The following STK39 variants were observed in gnomAD, a reference collection of about 807,000 sequenced individuals.
The protein encoded by STK39 is serine/threonine kinase 39.
In STK39, 20 loss-of-function variants were observed where a neutral mutation model predicts 77.8. The observed-to-expected ratio is 0.26, with a 90% CI of 0.18 to 0.37. The LOEUF (loss-of-function observed/expected upper bound fraction) is 0.37, where lower values mean the gene tolerates loss of function less well. STK39 is among the 10% of genes least tolerant of loss of function. The probability of loss-of-function intolerance (pLI) is 1.00; values close to 1 mark genes in which losing one functional copy is unlikely to be tolerated. For synonymous variants in STK39, 246 were observed against 234.1 expected (o/e 1.05, Z -0.47); for missense variants, 479 against 656.5 (o/e 0.73, Z 2.95).
chr2:168,075,218 G>T lies in STK39; in HGVS notation c.1103C>A (p.Pro368His). ...AQRAKKVRRVPGSSGHLHKTE... is the reference protein window; with the variant it reads ...AQRAKKVRRVHGSSGHLHKTE... ...TTTATGAAGGTGACCACTTGACCCA[G>T]GAACTCTTCTTACCTGAATCAAAAC... The change falls in exon 11 of 18, where the codon CCT becomes CAT. Residue 368 changes from proline to histidine, a missense_variant. By Grantham distance (77) the Pro-to-His change is moderately conservative. Around this residue, in one of 3 missense-constraint regions of STK39, gnomAD observed 244 missense variants for 296.8 expected, o/e 0.82. Coordinates refer to ENST00000355999, the MANE Select transcript of STK39 (RefSeq NM_013233.3). 6.2e-7 allele frequency: 1 copy of T among 1,613,906 alleles called. No individual in the cohort carries two copies. The highest frequency in any genetic ancestry group is 8.5e-7 in the Non-Finnish European group (1 of 1,180,016).
At chr2:168,122,100 T>C (rs772662784) in intron 10 of STK39, among the ~76,000 whole-genome samples, 3 of 152,180 alleles carry the variant, frequency 2.0e-5, no homozygotes, top group Admixed American at 6.5e-5. Context: ...TTACGTGTTG[T>C]GGCGGTTTGG....
intron 1 of STK39, among the ~76,000 whole-genome samples, chr2:168,245,378 T>C (rs934532083): frequency 2.6e-5 from 4 of 152,322 alleles, no homozygotes; most frequent in Non-Finnish European, 5.9e-5. Flanking sequence ...TTTGTTAATT[T>C]CTATATTGCT....
chr2:168,212,231 A>ACAGAT (rs997712273), intron 1 of STK39, among the ~76,000 whole-genome samples: 7 of 152,234 alleles, frequency 4.6e-5, no homozygotes, highest in African/African-American at 1.7e-4. Flanking sequence ...TGCTTAACAA[A>ACAGAT]CAGACCAGAC....
intron 10 of STK39, among the ~76,000 whole-genome samples, chr2:168,109,923 T>C (rs1687077189): frequency 6.6e-6 from 1 of 152,264 alleles, no homozygotes; most frequent in Non-Finnish European, 1.5e-5. Flanking sequence ...AGAAGTTCTT[T>C]ATTTCAGATG....
chr2:168,113,279 G>T (rs944893218), intron 10 of STK39, among the ~76,000 whole-genome samples: 2 of 152,156 alleles, frequency 1.3e-5, no homozygotes, highest in Non-Finnish European at 2.9e-5. Context: ...TGCTAGTAAA[G>T]TCAGAGCTCT....
chr2:168,085,440 T>C (rs1295029667), intron 10 of STK39, among the ~76,000 whole-genome samples: 1 of 152,198 alleles, frequency 6.6e-6, no homozygotes, highest in Non-Finnish European at 1.5e-5. Flanking sequence ...ATCCTGAGTG[T>C]ATGTCCAGCA....
chr2:168,051,791 C>T (rs1350605731), intron 14 of STK39, among the ~76,000 whole-genome samples: 1 of 152,032 alleles, frequency 6.6e-6, no homozygotes, highest in Non-Finnish European at 1.5e-5. Flanking sequence ...TGGCATTTGA[C>T]TCCTGGGGCT....
intron 17 of STK39, 102 bp downstream of exon 17, chr2:167,964,560 C>G (rs1321824647): frequency 8.9e-7 from 1 of 1,121,354 alleles, no homozygotes; most frequent in East Asian, 2.4e-5. Context: ...AAGAAAACAA[C>G]AACAGCAAAA....
At chr2:168,107,107 T>C (rs1686994811) in intron 10 of STK39, among the ~76,000 whole-genome samples, 1 of 152,248 alleles carries the variant, frequency 6.6e-6, no homozygotes, top group African/African-American at 2.4e-5. Context: ...ATGGCACTGC[T>C]TACAAAATAC....
At chr2:168,103,610 A>T (rs1285347392) in intron 10 of STK39, among the ~76,000 whole-genome samples, 2 of 152,236 alleles carry the variant, frequency 1.3e-5, no homozygotes, top group African/African-American at 4.8e-5. Flanking sequence ...TTCTTTGCAC[A>T]TTCATGAATA....
At chr2:168,034,172 G>A (rs951883880) in intron 14 of STK39, among the ~76,000 whole-genome samples, 11 of 152,154 alleles carry the variant, frequency 7.2e-5, no homozygotes, top group African/African-American at 1.4e-4. Flanking sequence ...GTCCTCAAGC[G>A]GCCCAGCATT....
Position 168,216,437 on chromosome 2 carries a change from C to T in STK39, c.208+30791G>A, listed in dbSNP as rs372320498. Among the ~76,000 whole-genome samples, 15 of 152,302 alleles carry T rather than the reference C, an allele frequency of 9.8e-5. No individual in the cohort carries two copies. The East Asian group carries it at 1.5e-3, about 16-fold the overall frequency. On this transcript the variant is annotated intron_variant, in intron 1 of 17. Coordinates refer to ENST00000355999, the MANE Select transcript of STK39 (RefSeq NM_013233.3). ...AGTAGCAAAATATTTTCCTAATTTA[C>T]GACTTAGCAGCCTAATTTATTTTGA...
At chr2:168,239,654 G>A (rs1255881562) in intron 1 of STK39, among the ~76,000 whole-genome samples, 1 of 152,226 alleles carries the variant, frequency 6.6e-6, no homozygotes, top group African/African-American at 2.4e-5. Context: ...CACAAGGTGA[G>A]GAAGGAGTAT....
chr2:168,122,671 T>C (rs904882781), intron 10 of STK39, among the ~76,000 whole-genome samples: 8 of 152,100 alleles, frequency 5.3e-5, no homozygotes, highest in East Asian at 1.9e-4. Flanking sequence ...TCCTGGGTTC[T>C]AGCAATCCTC....
chr2:167,973,145 A>G (rs1692396873), intron 16 of STK39, among the ~76,000 whole-genome samples: 2 of 152,216 alleles, frequency 1.3e-5, no homozygotes, highest in African/African-American at 2.4e-5. Context: ...GTGCTTAAAT[A>G]TTTTGTCAGA....
intron 10 of STK39, among the ~76,000 whole-genome samples, chr2:168,091,604 C>T (rs72889609): frequency 0.094 from 14,321 of 152,246 alleles, 908 homozygotes; most frequent in East Asian, 0.22. Flanking sequence ...ACAGGTGTGA[C>T]ACGCTGACGT....
intron 2 of STK39, among the ~76,000 whole-genome samples, chr2:168,181,516 TA>T (rs60447553): frequency 0.34 from 51,979 of 150,936 alleles, 9,208 homozygotes; most frequent in East Asian, 0.54. Context: ...ACAGAGCATT[TA>T]AAAAAAAAAT....
At chr2:167,998,053 G>C (rs904211837) in intron 16 of STK39, among the ~76,000 whole-genome samples, 15 of 152,070 alleles carry the variant, frequency 9.9e-5, no homozygotes, top group Admixed American at 4.6e-4. Context: ...AGATTGGAAA[G>C]CTCTTTCCCT....
intron 5 of STK39, among the ~76,000 whole-genome samples, chr2:168,160,505 A>G (rs1688541906): frequency 7.9e-6 from 1 of 126,748 alleles, no homozygotes; most frequent in Admixed American, 8.2e-5. Flanking sequence ...ATGGTAGAAC[A>G]GCAGTTATTG....
Sources: allele counts gnomAD v4.1 joint callset (sites outside exome capture counted in the v4.1 genomes callset), GRCh38; gene constraint gnomAD v4.1.1; regional missense constraint gnomAD v4.1.1; transcripts MANE v1.5; gene names NCBI Gene and HGNC (gene_info 2026-07-23, HGNC 2026-07-21).